The following NAP1L4 variants were observed in gnomAD, a reference collection of about 807,000 sequenced individuals.
NAP1L4 encodes the protein nucleosome assembly protein 1 like 4.
Under a neutral mutation model 58.2 loss-of-function variants are expected in NAP1L4, and 15 were observed. That is an observed-to-expected ratio of 0.26 (90% CI 0.17 to 0.40). The LOEUF is 0.40. Among genes scored for constraint, NAP1L4 ranks in the 10% least tolerant of loss-of-function variants. NAP1L4 has a pLI of 1.00. For missense variants in NAP1L4, 384 were observed against 451.1 expected, an observed-to-expected ratio of 0.85 and a Z score of 1.35; for synonymous variants, 171 against 155.6, an observed-to-expected ratio of 1.10 and a Z score of -0.74.
At position 2,949,848 on chromosome 11, in the gene NAP1L4, C is replaced by T. The variant is rs1310947917; in HGVS notation, c.1123-584G>A. Among the ~76,000 whole-genome samples, 2 of 152,224 alleles carry T rather than the reference C, an allele frequency of 1.3e-5. No homozygotes were observed. The highest frequency in any genetic ancestry group is 2.9e-5 in the Non-Finnish European group (2 of 68,044). On this transcript the variant is annotated intron_variant, in intron 14 of 15. Coordinates refer to ENST00000380542, the MANE Select transcript of NAP1L4 (RefSeq NM_005969.4). This position sits in a 1 kb window ranked among gnomAD's most constrained non-coding sequence, Gnocchi z 4.0. ...AAAAGAGAAGCTGAGGCACAGAATA[C>T]AGGGAGGGGGAGATACAAGTGCAAC...
intron 3 of NAP1L4, 132 bp from the exon 4 acceptor site, chr11:2,976,255 G>A (rs2277298): frequency 0.25 from 149,118 of 604,136 alleles, 20,104 homozygotes; most frequent in African/African-American, 0.4. Flanking sequence ...ACATACACCA[G>A]TGACTTCTTA....
chr11:2,981,854 G>C (rs1182856402), intron 1 of NAP1L4: 1 of 152,452 alleles, frequency 6.6e-6, no homozygotes, highest in East Asian at 1.9e-4. Flanking sequence ...CCCTTCAATG[G>C]TCCCCCGTCA....
At position 2,971,748 on chromosome 11, in the gene NAP1L4, T is replaced by G. The variant is rs191292884; in HGVS notation, c.316-214A>C. 1.3e-5 allele frequency among the ~76,000 whole-genome samples: 2 copies of G among 152,326 alleles called. No homozygotes were observed. Among genetic ancestry groups the G allele is most frequent in the Admixed American group, 1.3e-4 (2 of 15,292 alleles). Reference sequence around the variant, plus strand: ...ACCTAAAGATGTAAAATAAAGACAGTCCCCGATTTCCAATGGTTCAGCTAA... The same window carrying G: ...ACCTAAAGATGTAAAATAAAGACAGGCCCCGATTTCCAATGGTTCAGCTAA... On this transcript the variant is annotated intron_variant, in intron 5 of 15. Transcript: ENST00000380542. The surrounding 1 kb of genome is among the most constrained non-coding windows in gnomAD (Gnocchi z 4.2).
At chr11:2,966,986 C>G (rs1454824559) in intron 7 of NAP1L4, among the ~76,000 whole-genome samples, 2 of 152,230 alleles carry the variant, frequency 1.3e-5, no homozygotes, top group East Asian at 3.8e-4. Context: ...ACACTGGAGG[C>G]ATCGCACTCA....
chr11:2,977,987 C>T (rs1459736673), intron 3 of NAP1L4, among the ~76,000 whole-genome samples: 2 of 151,760 alleles, frequency 1.3e-5, no homozygotes, highest in Non-Finnish European at 2.9e-5. Context: ...GGTAACACAG[C>T]AAGGCTCCAT....
At position 2,945,766 on chromosome 11, in the gene NAP1L4, T is replaced by C. The variant is rs73406350; in HGVS notation, c.*33-120A>G. ...CATTCTCATTGAAAAAAATGGTTAC[T>C]GCAAATATACTTTTAAAAATAGTGA... On this transcript the variant is annotated intron_variant, in intron 15 of 15. Coordinates refer to ENST00000380542, the MANE Select transcript of NAP1L4 (RefSeq NM_005969.4). 18,063 of 743,642 alleles carry C rather than the reference T, an allele frequency of 0.024. 2,439 individuals are homozygous for C. The African/African-American group carries it at 0.29, about 12-fold the overall frequency. The allele number at this position is 743,642 out of a possible 1,614,324, so 46.1% of individuals were successfully genotyped here.
chr11:2,955,598 C>T lies in NAP1L4; in HGVS notation c.915+146G>A. The T allele has an allele frequency of 1.4e-6, 1 of 736,152 alleles. No individual in the cohort carries two copies. Among genetic ancestry groups the T allele is most frequent in the Non-Finnish European group, 2.3e-6 (1 of 441,736 alleles). The allele number at this position is 736,152 out of a possible 1,614,324, so 45.6% of individuals were successfully genotyped here. On this transcript the variant is annotated intron_variant, in intron 11 of 15. Coordinates refer to ENST00000380542, the MANE Select transcript of NAP1L4 (RefSeq NM_005969.4). The surrounding 1 kb of genome is among the most constrained non-coding windows in gnomAD (Gnocchi z 4.2). ...AACTCCTGGACTCGTGCAGTCCTCCCACCTCAGCCTCCCAAAGCATTAAGA... is the reference window on the plus strand; with the variant it reads ...AACTCCTGGACTCGTGCAGTCCTCCTACCTCAGCCTCCCAAAGCATTAAGA...
At chr11:2,950,467 G>A (rs937627108) in intron 14 of NAP1L4, among the ~76,000 whole-genome samples, 5 of 152,290 alleles carry the variant, frequency 3.3e-5, no homozygotes, top group East Asian at 1.9e-4. Context: ...AGCAAAAAAC[G>A]TCTAGTCGGA....
chr11:2,971,592 A>G lies in NAP1L4; in HGVS notation c.316-58T>C. On this transcript the variant is annotated intron_variant, in intron 5 of 15. Coordinates refer to ENST00000380542, the MANE Select transcript of NAP1L4 (RefSeq NM_005969.4). This position sits in a 1 kb window ranked among gnomAD's most constrained non-coding sequence, Gnocchi z 4.2. ...TTATTAGCTTACTTAGGAACTCAAG[A>G]GTTAAATTTATAAATAATGTCTACT... 7.3e-7 allele frequency: 1 copy of G among 1,361,988 alleles called. No individual in the cohort carries two copies. The highest frequency in any genetic ancestry group is 1.0e-6 in the Non-Finnish European group (1 of 974,528). The allele number at this position is 1,361,988 out of a possible 1,614,324, so 84.4% of individuals were successfully genotyped here.
At chr11:2,983,489 T>A (rs1484617014) in intron 1 of NAP1L4, among the ~76,000 whole-genome samples, 1 of 151,934 alleles carries the variant, frequency 6.6e-6, no homozygotes, top group East Asian at 1.9e-4. Context: ...AGTGCTGGGA[T>A]TATAGGACAG....
intron 1 of NAP1L4, chr11:2,991,262 G>A (rs1483348819): frequency 2.4e-6 from 1 of 411,454 alleles, no homozygotes; most frequent in Admixed American, 2.6e-5. Flanking sequence ...AACTGTGGAC[G>A]GTGGAAAGTC....
At chr11:2,958,615 G>T (rs1846687711) in intron 9 of NAP1L4, 71 bp from the exon 10 acceptor site, 1 of 1,478,166 alleles carries the variant, frequency 6.8e-7, no homozygotes, top group African/African-American at 1.4e-5. Context: ...CATGCAGGAA[G>T]CAAACCACAG....
chr11:2,952,768 C>G (rs1407651420), intron 12 of NAP1L4: 1 of 152,210 alleles, frequency 6.6e-6, no homozygotes, highest in Non-Finnish European at 1.5e-5. Flanking sequence ...GGGCCTATTC[C>G]AAGGCTCTAA....
At position 2,958,471 on chromosome 11, in the gene NAP1L4, G is replaced by C. The variant is rs1332956464; in HGVS notation, c.820C>G (p.Arg274Gly). 6.2e-7 allele frequency: 1 copy of C among 1,613,938 alleles called. No individual in the cohort carries two copies. Among genetic ancestry groups the C allele is most frequent in the Non-Finnish European group, 8.5e-7 (1 of 1,179,978 alleles). Residue 274 changes from arginine (R) to glycine (G), a missense_variant, in exon 10 of 16, where the codon CGA (arginine) becomes GGA (glycine). Transcript: ENST00000380542. ...TTCGTAATTGTTCTAACAGTGCCTCGACCCTTATGCTTCTGCTTTTTCTTG... is the reference window on the plus strand; with the variant it reads ...TTCGTAATTGTTCTAACAGTGCCTCCACCCTTATGCTTCTGCTTTTTCTTG... Reference protein sequence around the residue: ...TIKKKQKHKGRGTVRTITKQV... With the variant: ...TIKKKQKHKGGGTVRTITKQV...
chr11:2,974,179 G>A (rs904079392), intron 4 of NAP1L4, among the ~76,000 whole-genome samples: 2 of 152,016 alleles, frequency 1.3e-5, no homozygotes, highest in South Asian at 2.1e-4. Context: ...AATGCACAAC[G>A]TGCAGGTTTG....
Position 2,957,785 on chromosome 11 carries a change from T to C in NAP1L4, c.892+614A>G, listed in dbSNP as rs1305278767. 8.5e-5 allele frequency among the ~76,000 whole-genome samples: 13 copies of C among 152,228 alleles called. No homozygotes were observed. The East Asian group carries it at 2.5e-3, about 29-fold the overall frequency. Reference sequence around the variant, plus strand: ...AAAGAAGCAGCTTCCAAGCTGTGATTCTGCCGATGTTTTTCAAAAATGAAA... The same window carrying C: ...AAAGAAGCAGCTTCCAAGCTGTGATCCTGCCGATGTTTTTCAAAAATGAAA... On this transcript the variant is annotated intron_variant, in intron 10 of 15. Transcript: ENST00000380542.
chr11:2,981,418 C>CAA (rs35499396), intron 1 of NAP1L4, among the ~76,000 whole-genome samples: 3 of 41,272 alleles, frequency 7.3e-5, no homozygotes, highest in Non-Finnish European at 1.0e-4. Flanking sequence ...TACCCTGTCT[C>CAA]AAAAAAAAAA....
At position 2,951,221 on chromosome 11, in the gene NAP1L4, CATA is replaced by C. The variant is rs748297002; in HGVS notation, c.1122+35_1122+37del. On this transcript the variant is annotated intron_variant, in intron 14 of 15. Transcript: ENST00000380542. The surrounding 1 kb of genome is among the most constrained non-coding windows in gnomAD (Gnocchi z 4.0). ...CATTTTTAAAAGTCTAAGAGTGCAGCATAATAAGTAGGTCTGGGTGGCCCCAAA... is the reference window on the plus strand; with the variant it reads ...CATTTTTAAAAGTCTAAGAGTGCAGCATAAGTAGGTCTGGGTGGCCCCAAA... The C allele has an allele frequency of 3.2e-6, 5 of 1,547,138 alleles. No individual in the cohort carries two copies. The Admixed American group carries it at 8.4e-5, about 26-fold the overall frequency.
At chr11:2,963,732 C>T (rs1453982479) in intron 8 of NAP1L4, 2 of 518,890 alleles carry the variant, frequency 3.9e-6, no homozygotes, top group African/African-American at 3.9e-5. Flanking sequence ...CCACCATCAC[C>T]CACACCCAAG....
Sources: allele counts gnomAD v4.1 joint callset (sites outside exome capture counted in the v4.1 genomes callset), GRCh38; gene constraint gnomAD v4.1.1; non-coding constraint Gnocchi (gnomAD v3.1); transcripts MANE v1.5; gene names NCBI Gene and HGNC (gene_info 2026-07-23, HGNC 2026-07-21).